The following DAP variants were observed in gnomAD, a reference collection of about 807,000 sequenced individuals.
DAP encodes death-associated protein 1.
A neutral mutation model predicts 13.8 loss-of-function variants in DAP; 8 were observed. That is an observed-to-expected ratio of 0.58 (90% CI 0.34 to 1.05). DAP has a LOEUF of 1.05. Among genes scored for constraint, DAP ranks in the 50% least tolerant of loss-of-function variants. The probability of loss-of-function intolerance (pLI) is 0.03; values close to 1 mark genes in which losing one functional copy is unlikely to be tolerated. For missense variants in DAP, 106 were observed against 133.2 expected (o/e 0.80, Z 1.01); for synonymous variants, 47 against 47.5 (o/e 0.99, Z 0.04).
chr5:10,684,901 G>A (rs778849055), intron 2 of DAP, among the ~76,000 whole-genome samples: 8 of 152,164 alleles, frequency 5.3e-5, no homozygotes, highest in Non-Finnish European at 1.2e-4. Flanking sequence ...GGTGGGTGGA[G>A]GGGAAGCATC....
chr5:10,761,089 G>T lies in DAP; in HGVS notation c.-21C>A, dbSNP rs760768339. 18 of 1,201,848 alleles carry T rather than the reference G, an allele frequency of 1.5e-5. No homozygotes were observed. The East Asian group carries it at 5.6e-4, about 37-fold the overall frequency. The allele number at this position is 1,201,848 out of a possible 1,614,324, so 74.4% of individuals were successfully genotyped here. A position where few individuals can be genotyped will look rare whatever the true frequency, so the allele number is the denominator to read the frequency against. The stretch of plus-strand genomic sequence containing the variant: ...GACATGACGCGGCGGGGCTTCCGCG[G>T]GGCCGAGGCGGCGGCGCGGTTCTCG... On this transcript the variant is annotated 5_prime_UTR_variant, in exon 1 of 4. Transcript: ENST00000230895.
chr5:10,759,343 C>T (rs1221337449), intron 1 of DAP, among the ~76,000 whole-genome samples: 1 of 152,130 alleles, frequency 6.6e-6, no homozygotes, highest in African/African-American at 2.4e-5. Flanking sequence ...TGGAGGCAGC[C>T]CTGCCCGGGG....
rs143933426 is a variant in DAP at position 10,689,684 on chromosome 5, G to C, written c.153-6113C>G. ...GGGTGTGGCGATGAGCCAGGGACTG[G>C]TGTCCTTTGTGCTGCATCCTATACA... On this transcript the variant is annotated intron_variant, in intron 2 of 3. Coordinates refer to ENST00000230895, the MANE Select transcript of DAP (RefSeq NM_004394.3). 5.9e-3 allele frequency among the ~76,000 whole-genome samples: 901 copies of C among 152,332 alleles called. 16 individuals carry two copies. Among genetic ancestry groups the C allele is most frequent in the African/African-American group, 0.021 (857 of 41,568 alleles).
chr5:10,683,392 G>A lies in DAP; in HGVS notation c.195+137C>T, dbSNP rs1341499858. ...GCCTCTGGGGAAACGCGGCAATGAAGAGAGCCATGGCCACAGAGGAGATGA... is the reference window on the plus strand; with the variant it reads ...GCCTCTGGGGAAACGCGGCAATGAAAAGAGCCATGGCCACAGAGGAGATGA... On this transcript the variant is annotated intron_variant, in intron 3 of 3. Coordinates refer to ENST00000230895, the MANE Select transcript of DAP (RefSeq NM_004394.3). The A allele has an allele frequency of 5.6e-6, 5 of 894,114 alleles. No individual in the cohort carries two copies. In the African/African-American group the frequency reaches 6.7e-5, roughly 12 times the overall value. 55.4% of individuals were successfully genotyped at this position (894,114 alleles called of 1,614,324 possible).
rs532069131 is a variant in DAP at position 10,695,864 on chromosome 5, GA to G, written c.153-12294del. 4.6e-3 allele frequency among the ~76,000 whole-genome samples: 695 copies of G among 151,616 alleles called. 4 individuals are homozygous for G. Among genetic ancestry groups the G allele is most frequent in the African/African-American group, 0.015 (636 of 41,276 alleles). On this transcript the variant is annotated intron_variant, in intron 2 of 3. Transcript: ENST00000230895. ...GATCCAGATGTCAAAACTTCACAGA[GA>G]TTTTTTTTTTTTTTTAGTTAGGAAA...
In DAP at chr5:10,706,138, T is replaced by C. The variant is rs1242080081; in HGVS notation, c.153-22567A>G. On this transcript the variant is annotated intron_variant, in intron 2 of 3. Transcript: ENST00000230895. ...CACATTTTGCCTAAATATTCTGTAT[T>C]AACCACAGCCATCCACTTACAGGGT... 2.0e-5 allele frequency among the ~76,000 whole-genome samples: 3 copies of C among 152,246 alleles called. No homozygotes were observed. In the East Asian group the frequency reaches 5.8e-4, roughly 29 times the overall value.
intron 2 of DAP, among the ~76,000 whole-genome samples, chr5:10,712,334 AAC>A (rs1290321810): frequency 6.6e-6 from 1 of 152,182 alleles, no homozygotes; most frequent in Non-Finnish European, 1.5e-5. Context: ...CTAGCAAACT[AAC>A]ACAGCAACAC....
chr5:10,684,192 G>A (rs2126633955), intron 2 of DAP, among the ~76,000 whole-genome samples: 1 of 152,342 alleles, frequency 6.6e-6, no homozygotes, highest in South Asian at 2.1e-4. Context: ...GATTTAATGA[G>A]ATCGTGAAAC....
At chr5:10,733,696 C>G (rs1402106061) in intron 2 of DAP, 1 of 152,226 alleles carries the variant, frequency 6.6e-6, no homozygotes, top group African/African-American at 2.4e-5. Flanking sequence ...CCCAACAGAA[C>G]ATGTGAGGAT....
intron 2 of DAP, among the ~76,000 whole-genome samples, chr5:10,713,045 C>CCAGCCAACCA (rs1184128065): frequency 7.9e-6 from 1 of 126,298 alleles, no homozygotes; most frequent in African/African-American, 3.6e-5. Flanking sequence ...AGCCGACCAA[C>CCAGCCAACCA]CAGCCAACCA....
At chr5:10,734,516 C>A (rs1387624979) in intron 2 of DAP, among the ~76,000 whole-genome samples, 1 of 152,182 alleles carries the variant, frequency 6.6e-6, no homozygotes, top group African/African-American at 2.4e-5. Flanking sequence ...GGCTTTGATT[C>A]ACTGCCTGCC....
rs901494706 is a variant in DAP, at chr5:10,701,762, C to A, written c.153-18191G>T. ...TTCCCTGGGACGGTCTGGGTTCAGGCATTGGTCCTGGTGTTATTACTAGCA... is the reference window on the plus strand; with the variant it reads ...TTCCCTGGGACGGTCTGGGTTCAGGAATTGGTCCTGGTGTTATTACTAGCA... On this transcript the variant is annotated intron_variant, in intron 2 of 3. Transcript: ENST00000230895. 1.8e-4 allele frequency among the ~76,000 whole-genome samples: 27 copies of A among 152,232 alleles called. 1 individual carries two copies. In the East Asian group the frequency reaches 4.1e-3, roughly 23 times the overall value.
At chr5:10,689,035 G>C (rs532693394) in intron 2 of DAP, among the ~76,000 whole-genome samples, 2 of 152,274 alleles carry the variant, frequency 1.3e-5, no homozygotes, top group East Asian at 1.9e-4. Flanking sequence ...CCCTGCCCTC[G>C]GTGCTCCTCA....
At chr5:10,730,457 T>C (rs1739415305) in intron 2 of DAP, among the ~76,000 whole-genome samples, 1 of 145,982 alleles carries the variant, frequency 6.9e-6, no homozygotes. Flanking sequence ...TCGAGAAGAA[T>C]TTTTCTCTAC....
At chr5:10,728,310 C>T (rs1739343047) in intron 2 of DAP, among the ~76,000 whole-genome samples, 1 of 152,076 alleles carries the variant, frequency 6.6e-6, no homozygotes, top group Non-Finnish European at 1.5e-5. Context: ...ATGAACTTCC[C>T]ATTCATTTTC....
intron 2 of DAP, among the ~76,000 whole-genome samples, chr5:10,695,265 G>C (rs1738413943): frequency 6.6e-6 from 1 of 152,178 alleles, no homozygotes; most frequent in South Asian, 2.1e-4. Flanking sequence ...GCCCGCGAAC[G>C]CTCCGGCCAG....
At chr5:10,744,144 G>A (rs1226674219) in intron 2 of DAP, among the ~76,000 whole-genome samples, 1 of 152,132 alleles carries the variant, frequency 6.6e-6, no homozygotes, top group South Asian at 2.1e-4. Context: ...CACCAGAGAT[G>A]AGTCAGTAAA....
At chr5:10,683,431 G>A (rs1200473205) in intron 3 of DAP, 98 bp downstream of exon 3, 62 of 1,148,142 alleles carry the variant, frequency 5.4e-5, no homozygotes, top group Non-Finnish European at 7.8e-5. Context: ...GTGGTGCTGG[G>A]TTATTCCAGG....
chr5:10,734,601 T>G (rs1293911501), intron 2 of DAP, among the ~76,000 whole-genome samples: 1 of 152,182 alleles, frequency 6.6e-6, no homozygotes, highest in Admixed American at 6.5e-5. Flanking sequence ...ATCCTGACAG[T>G]GCTATTACCC....
Sources: gnomAD v4.1 joint callset for allele counts (sites outside exome capture counted in the v4.1 genomes callset) on GRCh38, gnomAD v4.1.1 for gene constraint, MANE v1.5 for transcripts, NCBI Gene and HGNC (gene_info 2026-07-23, HGNC 2026-07-21) for gene names.